AMACR: variants seen among roughly 807,000 people sequenced by gnomAD.
AMACR encodes alpha-methylacyl-CoA racemase.
In AMACR, 18 loss-of-function variants were observed where a neutral mutation model predicts 22.2. The observed-to-expected ratio is 0.81, with a 90% confidence interval of 0.56 to 1.20. The LOEUF (loss-of-function observed/expected upper bound fraction) is 1.20. Ranked by LOEUF, AMACR falls within the 50% of genes most tolerant of loss-of-function variation. The pLI is 0.00. For synonymous variants in AMACR, 213 were observed against 191.3 expected (o/e 1.11, Z -0.94); for missense variants, 499 against 490.6 (o/e 1.02, Z -0.16).
intron 4 of AMACR, among the ~76,000 whole-genome samples, chr5:33,991,357 C>T (rs182583569): frequency 2.9e-4 from 44 of 152,222 alleles, no homozygotes; most frequent in Middle Eastern, 3.4e-3. Context: ...TTGCTGTGCT[C>T]CTGACACTCC....
intron 3 of AMACR, among the ~76,000 whole-genome samples, chr5:34,004,021 A>G (rs925776049): frequency 6.6e-5 from 10 of 152,234 alleles, no homozygotes; most frequent in African/African-American, 2.4e-4. Flanking sequence ...CACACAGGGA[A>G]TGTGCTCAGC....
rs375868211 is a variant in AMACR, at chr5:33,998,612, A to T, written c.739+29T>A. On this transcript the variant is annotated intron_variant, in intron 4 of 4. Transcript: ENST00000335606. Reference sequence around the variant, plus strand: ...AAAGAACATCCACAGCAAAAGGGGAACTGGGGGAGACGCGTGAAGTTCACT... The same window carrying T: ...AAAGAACATCCACAGCAAAAGGGGATCTGGGGGAGACGCGTGAAGTTCACT... 5.7e-6 allele frequency: 9 copies of T among 1,575,912 alleles called. No homozygotes were observed. The African/African-American group carries it at 1.2e-4, about 21-fold the overall frequency.
At chr5:34,001,168 C>A (rs1210010235) in intron 3 of AMACR, among the ~76,000 whole-genome samples, 3 of 152,226 alleles carry the variant, frequency 2.0e-5, no homozygotes, top group Non-Finnish European at 4.4e-5. Context: ...AGGGAAACCG[C>A]AGCCTCAATT....
intron 4 of AMACR, among the ~76,000 whole-genome samples, chr5:33,990,065 G>T (rs1753429331): frequency 6.6e-6 from 1 of 152,102 alleles, no homozygotes; most frequent in South Asian, 2.1e-4. Context: ...AGCTACTCGG[G>T]AGGCTGAGGC....
chr5:34,002,556 G>C (rs938266891), intron 3 of AMACR, among the ~76,000 whole-genome samples: 1 of 152,142 alleles, frequency 6.6e-6, no homozygotes, highest in African/African-American at 2.4e-5. Flanking sequence ...AGTGGCTTTA[G>C]GGTCCAACTG....
chr5:33,990,043 G>A (rs369817673), intron 4 of AMACR, among the ~76,000 whole-genome samples: 3 of 152,162 alleles, frequency 2.0e-5, no homozygotes, highest in East Asian at 1.9e-4. Flanking sequence ...GTGATGGCAC[G>A]AGTATACTGC....
At chr5:34,004,473 T>G (rs1203675379) in intron 3 of AMACR, 101 bp downstream of exon 3, 37 of 1,498,240 alleles carry the variant, frequency 2.5e-5, no homozygotes, top group Non-Finnish European at 9.3e-6. Flanking sequence ...AAACTTCAAA[T>G]GTCATTTATC....
chr5:33,998,855 T>A (rs1285376680), intron 3 of AMACR, 28 bp from the exon 4 acceptor site: 2 of 1,606,078 alleles, frequency 1.2e-6, no homozygotes, highest in African/African-American at 1.3e-5. Flanking sequence ...ACAAGACAAA[T>A]CCAGATAACT....
At chr5:33,997,408 C>T in intron 4 of AMACR, 1 of 777,892 alleles carries the variant, frequency 1.3e-6, no homozygotes, top group African/African-American at 1.7e-5. Context: ...CACACAAAAC[C>T]CCATGACTTG....
chr5:34,005,705 G>C (rs73077185), intron 2 of AMACR, 51 bp downstream of exon 2: 52 of 1,598,106 alleles, frequency 3.3e-5, no homozygotes, highest in East Asian at 2.9e-4. Flanking sequence ...CATACCTGTA[G>C]ATCTTGATGG....
intron 3 of AMACR, among the ~76,000 whole-genome samples, chr5:34,004,301 T>A (rs566322719): frequency 6.6e-6 from 1 of 152,328 alleles, no homozygotes; most frequent in East Asian, 1.9e-4. Flanking sequence ...AACCTGCAAT[T>A]ACTTTTGCAC....
intron 4 of AMACR, 86 bp from the exon 5 acceptor site, chr5:33,989,588 T>C: frequency 9.0e-7 from 1 of 1,105,556 alleles, no homozygotes; most frequent in East Asian, 2.5e-5. Flanking sequence ...CCCACTGTAC[T>C]ATGCAAAATA....
chr5:34,004,751 A>C lies in AMACR; in HGVS notation c.392-17T>G, dbSNP rs762377420. 2 of 1,613,138 alleles carry C rather than the reference A, an allele frequency of 1.2e-6. No individual in the cohort carries two copies. The highest frequency in any genetic ancestry group is 2.2e-5 in the South Asian group (2 of 91,044). On this transcript the variant is annotated splice_polypyrimidine_tract_variant and intron_variant, in intron 2 of 4. Transcript: ENST00000335606. ...AGAGAACACCTACATCATTAAAAAC[A>C]AATTTAATGTCTCTTTTAAATTTAA...
chr5:33,989,775 T>C (rs917927793), intron 4 of AMACR, among the ~76,000 whole-genome samples: 2 of 152,172 alleles, frequency 1.3e-5, no homozygotes, highest in African/African-American at 4.8e-5. Flanking sequence ...CAGAAATTGA[T>C]TTCCTACCTC....
intron 4 of AMACR, among the ~76,000 whole-genome samples, chr5:33,991,960 C>A (rs1368638353): frequency 1.3e-5 from 2 of 152,088 alleles, no homozygotes. Flanking sequence ...CTCACTGCAA[C>A]CTCCACCTCC....
intron 3 of AMACR, among the ~76,000 whole-genome samples, chr5:34,002,535 T>G (rs1486630436): frequency 1.3e-5 from 2 of 152,104 alleles, no homozygotes; most frequent in Non-Finnish European, 2.9e-5. Flanking sequence ...GCAGGGGAAG[T>G]TGTTGAAAGC....
chr5:34,004,758 A>G (rs1295977898), intron 2 of AMACR, 24 bp from the exon 3 acceptor site: 9 of 1,611,978 alleles, frequency 5.6e-6, no homozygotes, highest in African/African-American at 1.3e-5. Flanking sequence ...AACAAATTTA[A>G]TGTCTCTTTT....
rs180694304 is a variant in AMACR at position 33,993,335 on chromosome 5, C to G, written c.740-3833G>C. Among the ~76,000 whole-genome samples the G allele has an allele frequency of 1.6e-4, 24 of 152,274 alleles. No individual in the cohort carries two copies. The East Asian group carries it at 4.2e-3, about 27-fold the overall frequency. ...TCATCCATTCATCTGTTGATGGACA[C>G]TTGAGTTGCTTCTACCTCTTGGCTA... On this transcript the variant is annotated intron_variant, in intron 4 of 4. Transcript: ENST00000335606.
chr5:33,992,016 T>C (rs1484541573), intron 4 of AMACR, among the ~76,000 whole-genome samples: 1 of 152,124 alleles, frequency 6.6e-6, no homozygotes, highest in African/African-American at 2.4e-5. Flanking sequence ...GTAGCTGCGA[T>C]TGCAGGTGCC....
Sources: gnomAD v4.1 joint callset for allele counts (sites outside exome capture counted in the v4.1 genomes callset) on GRCh38, gnomAD v4.1.1 for gene constraint, MANE v1.5 for transcripts, NCBI Gene and HGNC (gene_info 2026-07-23, HGNC 2026-07-21) for gene names.